The following LRFN2 variants were observed in gnomAD, a reference collection of about 807,000 sequenced individuals.
The protein encoded by LRFN2 is leucine rich repeat and fibronectin type III domain containing 2, also known as leucine-rich repeat and fibronectin type-III domain-containing protein 2.
A neutral mutation model predicts 37.3 loss-of-function variants in LRFN2; 18 were observed. The ratio of observed to expected loss-of-function variants is 0.48; its 90% CI spans 0.33 to 0.72. LRFN2 has a LOEUF of 0.72. Among genes scored for constraint, LRFN2 ranks in the 30% least tolerant of loss-of-function variants. The probability of loss-of-function intolerance (pLI) is 0.02; values close to 1 mark genes in which losing one functional copy is unlikely to be tolerated. For missense variants in LRFN2, 1,006 were observed against 1,060.7 expected, an observed-to-expected ratio of 0.95 and a Z score of 0.72; for synonymous variants, 556 against 466.6, an observed-to-expected ratio of 1.19 and a Z score of -2.47.
intron 1 of LRFN2, among the ~76,000 whole-genome samples, chr6:40,443,842 C>G (rs1283159025): frequency 6.6e-6 from 1 of 152,180 alleles, no homozygotes; most frequent in Non-Finnish European, 1.5e-5. Flanking sequence ...CCTTCCACCC[C>G]TAGCCTAAAG....
chr6:40,569,416 C>T (rs989096973), intron 1 of LRFN2, among the ~76,000 whole-genome samples: 9 of 152,132 alleles, frequency 5.9e-5, no homozygotes, highest in Admixed American at 1.3e-4. Flanking sequence ...CAGAGGCCAA[C>T]AGGGTGTGGA....
intron 1 of LRFN2, among the ~76,000 whole-genome samples, chr6:40,459,663 G>A (rs1298168855): frequency 6.6e-6 from 1 of 152,186 alleles, no homozygotes; most frequent in Non-Finnish European, 1.5e-5. Flanking sequence ...AACCAGGTCA[G>A]TTGCTCCCAT....
At chr6:40,474,125 G>T (rs1764662116) in intron 1 of LRFN2, among the ~76,000 whole-genome samples, 1 of 152,088 alleles carries the variant, frequency 6.6e-6, no homozygotes, top group African/African-American at 2.4e-5. Context: ...CACCTTCTCA[G>T]GTAAGTCGAG....
At chr6:40,515,764 G>A (rs1035131146) in intron 1 of LRFN2, among the ~76,000 whole-genome samples, 2 of 152,004 alleles carry the variant, frequency 1.3e-5, no homozygotes, top group Non-Finnish European at 2.9e-5. Context: ...GTGGTGCCAT[G>A]TGACTGTAAT....
intron 1 of LRFN2, among the ~76,000 whole-genome samples, chr6:40,513,185 T>A (rs911527511): frequency 7.9e-5 from 12 of 151,996 alleles, no homozygotes; most frequent in Non-Finnish European, 1.6e-4. Flanking sequence ...TTTGAAGGAA[T>A]ATAGCAGAAC....
intron 1 of LRFN2, among the ~76,000 whole-genome samples, chr6:40,454,950 G>A (rs4145200): frequency 0.26 from 40,222 of 152,044 alleles, 6,222 homozygotes; most frequent in Middle Eastern, 0.41. Flanking sequence ...ATATGCTGTC[G>A]ATGTATAAGC....
chr6:40,408,265 G>A (rs923960944), intron 2 of LRFN2, among the ~76,000 whole-genome samples: 10 of 152,106 alleles, frequency 6.6e-5, no homozygotes, highest in South Asian at 2.1e-4. Flanking sequence ...AAAAAATATC[G>A]CAAAGCCAAT....
At chr6:40,426,439 A>G (rs1200105629) in intron 2 of LRFN2, among the ~76,000 whole-genome samples, 1 of 152,200 alleles carries the variant, frequency 6.6e-6, no homozygotes, top group East Asian at 1.9e-4. Flanking sequence ...TGTTGACTCT[A>G]TAGCTACTTT....
At chr6:40,567,006 C>G (rs1767102969) in intron 1 of LRFN2, among the ~76,000 whole-genome samples, 1 of 152,042 alleles carries the variant, frequency 6.6e-6, no homozygotes, top group African/African-American at 2.4e-5. Flanking sequence ...AGGGGAAGGC[C>G]CATTTCCTTA....
At chr6:40,462,187 A>G (rs2113850603) in intron 1 of LRFN2, among the ~76,000 whole-genome samples, 1 of 152,356 alleles carries the variant, frequency 6.6e-6, no homozygotes, top group South Asian at 2.1e-4. Flanking sequence ...GCGAAGTATT[A>G]AGTCTGGGAA....
At chr6:40,565,811 G>C (rs983282143) in intron 1 of LRFN2, among the ~76,000 whole-genome samples, 5 of 151,756 alleles carry the variant, frequency 3.3e-5, no homozygotes, top group African/African-American at 1.2e-4. Context: ...ATACCATTCA[G>C]GACATAGGCA....
intron 1 of LRFN2, among the ~76,000 whole-genome samples, chr6:40,510,891 A>G (rs1765688234): frequency 6.6e-6 from 1 of 152,140 alleles, no homozygotes; most frequent in Admixed American, 6.5e-5. Context: ...GGAAAGGTGC[A>G]CAAATCCCTA....
chr6:40,520,724 G>A (rs1268055655), intron 1 of LRFN2, among the ~76,000 whole-genome samples: 1 of 152,114 alleles, frequency 6.6e-6, no homozygotes, highest in Non-Finnish European at 1.5e-5. Context: ...TAGGGGGAGG[G>A]AGGGGTGGAG....
intron 1 of LRFN2, among the ~76,000 whole-genome samples, chr6:40,535,419 C>A (rs1766430625): frequency 6.6e-6 from 1 of 152,138 alleles, no homozygotes; most frequent in Non-Finnish European, 1.5e-5. Context: ...ACCCAGAATT[C>A]CAAAGAGAAG....
intron 2 of LRFN2, among the ~76,000 whole-genome samples, chr6:40,399,157 T>G (rs2504826): frequency 0.96 from 145,672 of 151,744 alleles, 70,204 homozygotes; most frequent in Non-Finnish European, 1. Flanking sequence ...ATCTCCTCTG[T>G]GATTCCAGCT....
intron 2 of LRFN2, among the ~76,000 whole-genome samples, chr6:40,404,428 A>G (rs1486186364): frequency 1.3e-5 from 2 of 152,228 alleles, no homozygotes; most frequent in Non-Finnish European, 2.9e-5. Context: ...GCACTGCCCA[A>G]TATAGTAGCT....
chr6:40,500,805 A>G (rs1765362927), intron 1 of LRFN2, among the ~76,000 whole-genome samples: 1 of 152,226 alleles, frequency 6.6e-6, no homozygotes, highest in Non-Finnish European at 1.5e-5. Flanking sequence ...CTATGGATGG[A>G]CTATAGCATC....
intron 2 of LRFN2, among the ~76,000 whole-genome samples, chr6:40,429,068 G>C (rs1444955772): frequency 6.6e-6 from 1 of 152,142 alleles, no homozygotes; most frequent in Non-Finnish European, 1.5e-5. Flanking sequence ...TTTCCACACT[G>C]TATCTCCTCT....
chr6:40,417,911 T>A (rs1233741295), intron 2 of LRFN2, among the ~76,000 whole-genome samples: 2 of 152,094 alleles, frequency 1.3e-5, no homozygotes, highest in East Asian at 1.9e-4. Flanking sequence ...TCTGCAACCA[T>A]CCCGTAACTG....
Sources: gnomAD v4.1 joint callset for allele counts (sites outside exome capture counted in the v4.1 genomes callset) on GRCh38, gnomAD v4.1.1 for gene constraint, MANE v1.5 for transcripts, NCBI Gene and HGNC (gene_info 2026-07-23, HGNC 2026-07-21) for gene names.